Variants in MTFR1 observed in about 807,000 individuals in gnomAD.
The protein encoded by MTFR1 is mitochondrial fission regulator 1.
Under a neutral mutation model 38.8 loss-of-function variants are expected in MTFR1, and 28 were observed. The observed-to-expected ratio is 0.72, with a 90% CI of 0.53 to 0.99. The LOEUF (loss-of-function observed/expected upper bound fraction) is 0.99, where lower values mean the gene tolerates loss of function less well. MTFR1 is among the 50% of genes least tolerant of loss of function. MTFR1 has a pLI of 0.00. For missense variants in MTFR1, 358 were observed against 395.5 expected (o/e 0.91, Z 0.81); for synonymous variants, 145 against 137.0 (o/e 1.06, Z -0.41).
chr8:65,668,512 GTTTTTCT>G (rs1003021540), intron 1 of MTFR1, among the ~76,000 whole-genome samples: 12 of 138,052 alleles, frequency 8.7e-5, no homozygotes, highest in East Asian at 4.1e-4. Flanking sequence ...TCTTTTTTTT[GTTTTTCT>G]TTTTTCTTTT....
At chr8:65,743,214 ATT>A (rs1264393922) in intron 3 of MTFR1, among the ~76,000 whole-genome samples, 1 of 152,154 alleles carries the variant, frequency 6.6e-6, no homozygotes, top group East Asian at 1.9e-4. Context: ...CTAAAATAAT[ATT>A]TGTGTTAAGT....
chr8:65,693,657 C>A lies in MTFR1; in HGVS notation c.179C>A (p.Ala60Glu). 1 of 1,613,898 alleles carries A rather than the reference C, an allele frequency of 6.2e-7. No homozygotes were observed. Among genetic ancestry groups the A allele is most frequent in the Non-Finnish European group, 8.5e-7 (1 of 1,179,850 alleles). The change falls in exon 4 of 8, where the codon GCA (alanine) becomes GAA (glutamate). Residue 60 changes from alanine (A) to glutamate (E), a missense_variant. Ala to Glu is a moderately radical substitution (Grantham distance 107, BLOSUM62 -1). Transcript: ENST00000262146. Reference protein sequence around the residue: ...PRVQFQINSHATEWSPSHPGE... With the variant: ...PRVQFQINSHETEWSPSHPGE... The stretch of plus-strand genomic sequence containing the variant: ...TATAACTTACAGATTAACAGCCATG[C>A]AACAGAATGGAGTCCCAGCCACCCA...
At chr8:65,727,396 T>A (rs1052267768) in intron 3 of MTFR1, 91 of 1,531,954 alleles carry the variant, frequency 5.9e-5, no homozygotes, top group Non-Finnish European at 6.5e-5. Flanking sequence ...ATGGTAGTGG[T>A]GGTAATCTCC....
intron 3 of MTFR1, among the ~76,000 whole-genome samples, chr8:65,686,317 A>G (rs1805070645): frequency 6.6e-6 from 1 of 152,202 alleles, no homozygotes; most frequent in Admixed American, 6.5e-5. Flanking sequence ...CGCACCTGTA[A>G]TCCCAGCACT....
At chr8:65,723,674 T>C (rs2129065230) in intron 3 of MTFR1, 1 of 1,280,834 alleles carries the variant, frequency 7.8e-7, no homozygotes, top group East Asian at 2.8e-5. Context: ...ATTGGTTAAA[T>C]ATATAATTAA....
At chr8:65,662,085 C>T (rs1563435823) in intron 1 of MTFR1, among the ~76,000 whole-genome samples, 95 of 83,560 alleles carry the variant, frequency 1.1e-3, no homozygotes, top group South Asian at 8.2e-3. Context: ...CCACAGTCTC[C>T]CTCTCCCTCT....
chr8:65,726,839 C>T, intron 3 of MTFR1: 1 of 1,106,574 alleles, frequency 9.0e-7, no homozygotes, highest in African/African-American at 1.5e-5. Context: ...ACTTCTATAA[C>T]CAGTAACAAA....
At chr8:65,713,485 A>ACACACACACACACAC (rs1169373621), downstream of MTFR1, among the ~76,000 whole-genome samples, 21 of 119,536 alleles carry the variant, frequency 1.8e-4, no homozygotes, top group African/African-American at 5.0e-4. Context: ...CACACACACA[A>ACACACACACACACAC]ACAAAACAAA....
chr8:65,762,785 G>T (rs1333436566), intron 3 of MTFR1, among the ~76,000 whole-genome samples: 1 of 151,914 alleles, frequency 6.6e-6, no homozygotes, highest in African/African-American at 2.4e-5. Context: ...ATGTGCTAGA[G>T]AAATAATTGG....
intron 3 of MTFR1, among the ~76,000 whole-genome samples, chr8:65,745,093 A>T (rs115577074): frequency 6.6e-6 from 1 of 152,222 alleles, no homozygotes; most frequent in East Asian, 1.9e-4. Context: ...TGATGATTTC[A>T]TAAGGGGTTT....
downstream of MTFR1, among the ~76,000 whole-genome samples, chr8:65,713,845 G>A (rs547762477): frequency 1.3e-5 from 2 of 151,832 alleles, no homozygotes; most frequent in Non-Finnish European, 2.9e-5. Context: ...CACTATGCCT[G>A]GCTAATTTTT....
At position 65,707,167 on chromosome 8, in the gene MTFR1, G is replaced by C. The variant is rs1192358128; in HGVS notation, c.675G>C (p.Leu225Phe). 6.3e-7 allele frequency: 1 copy of C among 1,596,246 alleles called. No homozygotes were observed. Residue 225 changes from leucine to phenylalanine, a missense_variant, in exon 6 of 8, where the codon TTG becomes TTC. Leu to Phe is a conservative substitution (Grantham distance 22). Coordinates refer to ENST00000262146, the MANE Select transcript of MTFR1 (RefSeq NM_014637.4). Reference protein sequence around the residue: ...REKRANAGKTLVKNNPKKPEM... With the variant: ...REKRANAGKTFVKNNPKKPEM... ...AAAGAGCCAATGCTGGAAAGACTTT[G>C]GTTAAGAACAATCCAAAGAAACCTG...
chr8:65,771,299 GGTAAAT>G (rs1809073441), downstream of MTFR1: 1 of 152,248 alleles, frequency 6.6e-6, no homozygotes, highest in Non-Finnish European at 1.5e-5. Flanking sequence ...CTAATTTCTA[GGTAAAT>G]TTAGTAAACA....
intron 3 of MTFR1, among the ~76,000 whole-genome samples, chr8:65,683,167 C>T (rs1804959486): frequency 7.1e-6 from 1 of 141,166 alleles, no homozygotes; most frequent in South Asian, 2.2e-4. Flanking sequence ...GGAATCTTGC[C>T]TGTTGCCAGG....
intron 2 of MTFR1, among the ~76,000 whole-genome samples, chr8:65,676,425 G>A (rs146857842): frequency 0.016 from 2,404 of 152,166 alleles, 65 homozygotes; most frequent in African/African-American, 0.055. Flanking sequence ...GTGCAGTGGC[G>A]CATTCTTGGC....
In MTFR1 at chr8:65,684,381, T is replaced by A. The variant is rs538404223; in HGVS notation, c.165+1930T>A. On this transcript the variant is annotated intron_variant, in intron 3 of 7. Transcript: ENST00000262146. The stretch of plus-strand genomic sequence containing the variant: ...AGTTATAGATTTGTATTTCCAGTTA[T>A]ATTGAGTCTTTTTTTTTTTTTGAGA... Among the ~76,000 whole-genome samples, 29 of 151,926 alleles carry A rather than the reference T, an allele frequency of 1.9e-4. No individual in the cohort carries two copies. The East Asian group carries it at 5.0e-3, about 26-fold the overall frequency.
downstream of MTFR1, among the ~76,000 whole-genome samples, chr8:65,711,836 A>G (rs1805955655): frequency 6.6e-6 from 1 of 152,180 alleles, no homozygotes; most frequent in Non-Finnish European, 1.5e-5. Context: ...AACTTCTCTG[A>G]TACATTCTCC....
chr8:65,771,884 C>CAAAAAAAAAAAA (rs36101490), downstream of MTFR1, among the ~76,000 whole-genome samples: 1 of 55,836 alleles, frequency 1.8e-5, no homozygotes, highest in African/African-American at 5.5e-5. Flanking sequence ...CTCCATCTCT[C>CAAAAAAAAAAAA]AAAAAAAAAA....
At chr8:65,729,267 T>C (rs777402387) in intron 3 of MTFR1, among the ~76,000 whole-genome samples, 6 of 152,168 alleles carry the variant, frequency 3.9e-5, no homozygotes, top group Non-Finnish European at 7.3e-5. Flanking sequence ...GTGGTGAGTT[T>C]TGCTGTGTTC....
Sources: allele counts gnomAD v4.1 joint callset (sites outside exome capture counted in the v4.1 genomes callset), GRCh38; gene constraint gnomAD v4.1.1; transcripts MANE v1.5; gene names NCBI Gene and HGNC (gene_info 2026-07-23, HGNC 2026-07-21).